The following GLI4 variants were observed in gnomAD, a reference collection of about 807,000 sequenced individuals.
The protein encoded by GLI4 is zinc finger protein GLI4.
Under a neutral mutation model 30.9 loss-of-function variants are expected in GLI4, and 34 were observed. That is an observed-to-expected ratio of 1.10 (90% CI 0.84 to 1.47). GLI4 has a LOEUF of 1.47. Among genes scored for constraint, GLI4 ranks in the 40% most tolerant of loss-of-function variants. GLI4 has a pLI of 0.00. For synonymous variants in GLI4, 277 were observed against 236.7 expected, an observed-to-expected ratio of 1.17 and a Z score of -1.56; for missense variants, 696 against 538.9, an observed-to-expected ratio of 1.29 and a Z score of -2.89.
intron 3 of GLI4, chr8:143,275,323 A>T (rs1336830780): frequency 1.4e-6 from 2 of 1,434,298 alleles, no homozygotes; most frequent in African/African-American, 2.9e-5. Flanking sequence ...GCCCTCGCCC[A>T]CATCTGGGCG....
rs768383740 is a variant in GLI4 at position 143,269,461 on chromosome 8, C to G, written c.65C>G (p.Pro22Arg). ...SVPSPVSLSS[P>R]GTPGTQHHEP... ...CCGTCCCCTGTCAGTCTCTCATCAC[C>G]GGGGACACCTGGAACCCAGCACCAC... is the stretch of plus-strand genomic sequence containing the variant. The change falls in exon 2 of 4, where the codon CCG (proline) becomes CGG (arginine). Residue 22 changes from proline to arginine, a missense_variant. Physicochemically the swap from Pro to Arg is moderately radical, Grantham distance 103 (BLOSUM62 -2). Transcript: ENST00000340042. 17 of 1,610,342 alleles carry G rather than the reference C, an allele frequency of 1.1e-5. 1 individual carries two copies. In the South Asian group the frequency reaches 1.9e-4, roughly 18 times the overall value.
chr8:143,275,016 C>A, intron 3 of GLI4: 1 of 1,517,254 alleles, frequency 6.6e-7, no homozygotes. Context: ...GACTGCAGCC[C>A]ACAGCCACCT....
chr8:143,275,029 G>T (rs765391293), intron 3 of GLI4: 2 of 1,523,654 alleles, frequency 1.3e-6, no homozygotes, highest in Non-Finnish European at 1.8e-6. Context: ...AGCCACCTGC[G>T]CCAGTGGCCC....
chr8:143,275,423 A>T, intron 3 of GLI4: 4 of 1,382,066 alleles, frequency 2.9e-6, no homozygotes, highest in South Asian at 1.8e-5. Flanking sequence ...TGGGGTGGGC[A>T]TGGGAGCTGG....
In GLI4 at chr8:143,275,955, G is replaced by A; in HGVS notation, c.282G>A (p.Glu94=). 7.5e-7 allele frequency: 1 copy of A among 1,329,652 alleles called. No individual in the cohort carries two copies. Among genetic ancestry groups the A allele is most frequent in the Non-Finnish European group, 9.6e-7 (1 of 1,040,986 alleles). 82.4% of individuals were successfully genotyped at this position (1,329,652 alleles called of 1,614,324 possible). ...PRSPGSQAPD[E]GAGGALRSLL... is the part of the protein sequence containing the mutation. Reference sequence around the variant, plus strand: ...CTCCTGGCTCTCAGGCCCCTGACGAGGGGGCGGGCGGGGCGCTGCGCAGCC... The same window carrying A: ...CTCCTGGCTCTCAGGCCCCTGACGAAGGGGCGGGCGGGGCGCTGCGCAGCC... Residue 94 remains glutamate (E), a synonymous_variant, in exon 4 of 4, where the codon GAG becomes GAA. Transcript: ENST00000340042.
At chr8:143,272,366 G>C (rs901150116) in intron 2 of GLI4, 1 of 152,348 alleles carries the variant, frequency 6.6e-6, no homozygotes, top group African/African-American at 2.4e-5. Flanking sequence ...AGCACTTGCT[G>C]TGCCATTTAA....
At chr8:143,273,771 G>A (rs1039467790) in intron 2 of GLI4, among the ~76,000 whole-genome samples, 16 of 152,330 alleles carry the variant, frequency 1.1e-4, no homozygotes, top group Middle Eastern at 6.8e-3. Flanking sequence ...TCGGCCTCAC[G>A]GGGCTAAGAG....
intron 2 of GLI4, among the ~76,000 whole-genome samples, chr8:143,272,179 C>G (rs1263637355): frequency 6.6e-6 from 1 of 152,132 alleles, no homozygotes; most frequent in Non-Finnish European, 1.5e-5. Context: ...TACTGAGTGC[C>G]CAGGCTGTTA....
rs35422165 is a variant in GLI4 at position 143,268,859 on chromosome 8, C to CTGCTGCTGCTGCTGTTGCTGCTGT, written c.-37-499_-37-498insCTGCTGCTGCTGTTGCTGCTGTTG. 2.7e-5 allele frequency among the ~76,000 whole-genome samples: 4 copies of CTGCTGCTGCTGCTGTTGCTGCTGT among 149,498 alleles called. No homozygotes were observed. The South Asian group carries it at 6.5e-4, about 24-fold the overall frequency. On this transcript the variant is annotated intron_variant, in intron 1 of 3. Coordinates refer to ENST00000340042, the MANE Select transcript of GLI4 (RefSeq NM_138465.4). ...TCCTTTGCTGCTGCTGCTGCTGCTG[C>CTGCTGCTGCTGCTGTTGCTGCTGT]TGTTGTTTGAGTCTTGCTGTGTCTC...
At chr8:143,268,029 C>T (rs1815177142) in intron 1 of GLI4, 1 of 985,400 alleles carries the variant, frequency 1.0e-6, no homozygotes, top group Non-Finnish European at 1.2e-6. Context: ...GTGATGGTCG[C>T]CTCTGCTCAG....
chr8:143,275,522 GCCCTCTGGAGCTCTGGCGT>G, intron 3 of GLI4: 2 of 1,263,026 alleles, frequency 1.6e-6, no homozygotes, highest in Non-Finnish European at 2.0e-6. Flanking sequence ...GCTTTGAGGC[GCCCTCTGGAGCTCTGGCGT>G]CCCCCAGGCT....
intron 2 of GLI4, 88 bp from the exon 3 acceptor site, chr8:143,274,616 C>T (rs889739130): frequency 1.5e-6 from 2 of 1,345,162 alleles, no homozygotes; most frequent in East Asian, 2.6e-5. Flanking sequence ...TGTGTCAGGG[C>T]CACAGCCCGG....
At chr8:143,267,762 G>T (rs1815169356) in intron 1 of GLI4, 1 of 985,202 alleles carries the variant, frequency 1.0e-6, no homozygotes. Flanking sequence ...GGCAGCTGTC[G>T]TCATCGCCAC....
In GLI4 at chr8:143,276,559, G is replaced by A. The variant is rs774944276; in HGVS notation, c.886G>A (p.Ala296Thr). ...QRLHTGEKPY[A>T]CSQCGKAFIW... ...GCTGCACACGGGTGAGAAGCCCTACGCCTGCAGCCAGTGCGGCAAGGCCTT... is the reference window on the plus strand; with the variant it reads ...GCTGCACACGGGTGAGAAGCCCTACACCTGCAGCCAGTGCGGCAAGGCCTT... The change falls in exon 4 of 4, where the codon GCC becomes ACC. Residue 296 changes from alanine to threonine, a missense_variant. Coordinates refer to ENST00000340042, the MANE Select transcript of GLI4 (RefSeq NM_138465.4). 1.2e-5 allele frequency: 20 copies of A among 1,612,198 alleles called. No individual in the cohort carries two copies. Among genetic ancestry groups the A allele is most frequent in the South Asian group, 7.7e-5 (7 of 91,054 alleles).
chr8:143,274,516 C>T lies in GLI4; in HGVS notation c.125-188C>T, dbSNP rs1442340158. On this transcript the variant is annotated intron_variant, in intron 2 of 3. Transcript: ENST00000340042. ...CCCCTGGAGGAGGAGGCTCTTGAAC[C>T]GAGCTGGGAAGGAAGGTAAAGGGCA... is the stretch of plus-strand genomic sequence containing the variant. 1.3e-5 allele frequency: 6 copies of T among 452,868 alleles called. No homozygotes were observed. The South Asian group carries it at 1.8e-4, about 13-fold the overall frequency. The allele number at this position is 452,868 out of a possible 1,614,324, so 28.1% of individuals were successfully genotyped here.
In GLI4 at chr8:143,276,617, G is replaced by T; in HGVS notation, c.944G>T (p.Arg315Leu). The change falls in exon 4 of 4, where the codon CGC (arginine) becomes CTC (leucine). Residue 315 changes from arginine (R) to leucine (L), a missense_variant. Transcript: ENST00000340042. Reference sequence around the variant, plus strand: ...AGCTCCGTGCTCATCGAGCACCAGCGCATCCACACTGGCGAGAAGCCCTAC... The same window carrying T: ...AGCTCCGTGCTCATCGAGCACCAGCTCATCCACACTGGCGAGAAGCCCTAC... ...IWSSVLIEHQRIHTGEKPYEC... is the reference protein window; with the variant it reads ...IWSSVLIEHQLIHTGEKPYEC... The T allele has an allele frequency of 2.5e-6, 4 of 1,612,630 alleles. No individual in the cohort carries two copies. Among genetic ancestry groups the T allele is most frequent in the Non-Finnish European group, 3.4e-6 (4 of 1,179,728 alleles).
intron 3 of GLI4, 62 bp downstream of exon 3, chr8:143,274,864 A>G (rs541712699): frequency 4.0e-6 from 6 of 1,513,876 alleles, no homozygotes; most frequent in Admixed American, 2.0e-5. Flanking sequence ...GCTCCTCACA[A>G]TGCCCACCTC....
At chr8:143,273,182 C>A (rs1815307212) in intron 2 of GLI4, 1 of 152,306 alleles carries the variant, frequency 6.6e-6, no homozygotes. Context: ...TCTGTAGGAG[C>A]ATGGCGCTGG....
Position 143,276,117 on chromosome 8 carries a change from G to C in GLI4, c.444G>C (p.Val148=), listed in dbSNP as rs1174761589. 2.0e-6 allele frequency: 3 copies of C among 1,507,768 alleles called. No individual in the cohort carries two copies. Among genetic ancestry groups the C allele is most frequent in the Non-Finnish European group, 2.6e-6 (3 of 1,132,984 alleles). 93.4% of individuals were successfully genotyped at this position (1,507,768 alleles called of 1,614,324 possible). ...QPRGAWRVTL[V]QQAAAGPEGA... ...GGGGCGCCTGGCGCGTGACGCTCGT[G>C]CAGCAAGCAGCGGCCGGGCCCGAGG... is the stretch of plus-strand genomic sequence containing the variant. The change falls in exon 4 of 4, where the codon GTG becomes GTC. Residue 148 remains valine, a synonymous_variant. Coordinates refer to ENST00000340042, the MANE Select transcript of GLI4 (RefSeq NM_138465.4).
Sources: gnomAD v4.1 joint callset for allele counts (sites outside exome capture counted in the v4.1 genomes callset) on GRCh38, gnomAD v4.1.1 for gene constraint, MANE v1.5 for transcripts, NCBI Gene and HGNC (gene_info 2026-07-23, HGNC 2026-07-21) for gene names.